Variants in ZNF638 observed in about 807,000 individuals in gnomAD.
The protein encoded by ZNF638 is zinc finger protein 638.
ZNF638 carries 46 observed loss-of-function variants against 195.6 expected under a neutral mutation model. The observed-to-expected ratio is 0.24, with a 90% CI of 0.19 to 0.30. The LOEUF (loss-of-function observed/expected upper bound fraction) is 0.30, where lower values mean the gene tolerates loss of function less well. Ranked by LOEUF, ZNF638 falls within the 10% of genes least tolerant of loss-of-function variation. ZNF638 has a pLI of 1.00. For missense variants in ZNF638, 2,440 were observed against 2,325.3 expected (o/e 1.05, Z -1.01); for synonymous variants, 845 against 772.0 (o/e 1.09, Z -1.57).
chr2:71,407,027 CATG>C (rs1247470830), intron 19 of ZNF638, among the ~76,000 whole-genome samples: 3 of 152,136 alleles, frequency 2.0e-5, no homozygotes, highest in African/African-American at 7.2e-5. Context: ...TCCTTACTTT[CATG>C]ATTTGGCCTC....
At chr2:71,359,132 C>G (rs749860777) in intron 3 of ZNF638, among the ~76,000 whole-genome samples, 1 of 151,948 alleles carries the variant, frequency 6.6e-6, no homozygotes, top group African/African-American at 2.4e-5. Context: ...GCCTATGTAT[C>G]GATATATGAC....
At chr2:71,361,608 G>A (rs1033565766) in intron 3 of ZNF638, 1 of 152,170 alleles carries the variant, frequency 6.6e-6, no homozygotes, top group Non-Finnish European at 1.5e-5. Flanking sequence ...TAGATGATGG[G>A]TATGTTGGAT....
rs567624933 is a variant in ZNF638 at position 71,393,661 on chromosome 2, C to T, written c.2378-2480C>T. ...GCTCTCTGGTGTAAGTTACAACTCA[C>T]GTAGGATCCTTTTTATGCTCTCGCT... On this transcript the variant is annotated intron_variant, in intron 10 of 27. Transcript: ENST00000264447. 2.5e-4 allele frequency: 178 copies of T among 716,316 alleles called. 1 individual carries two copies. Among genetic ancestry groups the T allele is most frequent in the Middle Eastern group, 4.6e-4 (2 of 4,394 alleles). The allele number at this position is 716,316 out of a possible 1,614,324, so 44.4% of individuals were successfully genotyped here. A position where few individuals can be genotyped will look rare whatever the true frequency, so the allele number is the denominator to read the frequency against.
chr2:71,433,437 G>T lies in ZNF638; in HGVS notation c.5871+154G>T. 3 of 595,220 alleles carry T rather than the reference G, an allele frequency of 5.0e-6. No homozygotes were observed. The South Asian group carries it at 6.3e-5, about 13-fold the overall frequency. 36.9% of individuals were successfully genotyped at this position (595,220 alleles called of 1,614,324 possible). On this transcript the variant is annotated intron_variant, in intron 27 of 27. Coordinates refer to ENST00000264447, the MANE Select transcript of ZNF638 (RefSeq NM_014497.5). Reference sequence around the variant, plus strand: ...CCTGTTTTCTCCTTCAGTGTACCTTGCCTGTAATTTCTAGTCCTTATTCCT... The same window carrying T: ...CCTGTTTTCTCCTTCAGTGTACCTTTCCTGTAATTTCTAGTCCTTATTCCT...
intron 20 of ZNF638, chr2:71,408,563 T>G (rs937093683): frequency 1.3e-5 from 4 of 306,434 alleles, no homozygotes; most frequent in Admixed American, 5.0e-5. Flanking sequence ...TGAATCCATT[T>G]TGGCTTCCTC....
rs2080657603 is a variant in ZNF638, at chr2:71,431,445, A to AT, written c.5752+24dup. The AT allele has an allele frequency of 2.5e-6, 4 of 1,609,096 alleles. No individual in the cohort carries two copies. The highest frequency in any genetic ancestry group is 2.7e-5 in the African/African-American group (2 of 74,682). On this transcript the variant is annotated intron_variant, in intron 26 of 27. Coordinates refer to ENST00000264447, the MANE Select transcript of ZNF638 (RefSeq NM_014497.5). ...TCCCTGAGGGTAAAGTTAAAATGAC[A>AT]TTTTTTTCTTACCCATATGAAATTT... is the stretch of plus-strand genomic sequence containing the variant.
chr2:71,423,352 A>T lies in ZNF638; in HGVS notation c.3838A>T (p.Ile1280Phe). The change falls in exon 22 of 28, where the codon ATT (isoleucine) becomes TTT (phenylalanine). Residue 1280 changes from isoleucine (I) to phenylalanine (F), a missense_variant. Ile to Phe is a conservative substitution (Grantham distance 21). Coordinates refer to ENST00000264447, the MANE Select transcript of ZNF638 (RefSeq NM_014497.5). ...TVSEILPSTCIVTLVPGIPTG... is the reference protein window; with the variant it reads ...TVSEILPSTCFVTLVPGIPTG... Reference sequence around the variant, plus strand: ...TTCGGAAATATTGCCATCAACTTGTATTGTGACGTTAGTACCAGGAATTCC... The same window carrying T: ...TTCGGAAATATTGCCATCAACTTGTTTTGTGACGTTAGTACCAGGAATTCC... 1 of 1,613,988 alleles carries T rather than the reference A, an allele frequency of 6.2e-7. No individual in the cohort carries two copies. Among genetic ancestry groups the T allele is most frequent in the African/African-American group, 1.3e-5 (1 of 75,056 alleles).
intron 26 of ZNF638, among the ~76,000 whole-genome samples, chr2:71,432,007 T>C (rs900537445): frequency 2.6e-5 from 4 of 152,188 alleles, no homozygotes; most frequent in African/African-American, 9.7e-5. Flanking sequence ...AATTGAGTTA[T>C]ATTTGCCCAG....
intron 20 of ZNF638, among the ~76,000 whole-genome samples, chr2:71,417,425 A>G (rs1032378314): frequency 2.6e-5 from 4 of 151,820 alleles, no homozygotes; most frequent in African/African-American, 9.7e-5. Flanking sequence ...AAATGCAGAA[A>G]TCACCCGTCT....
intron 15 of ZNF638, among the ~76,000 whole-genome samples, chr2:71,401,446 T>A (rs2080003707): frequency 6.6e-6 from 1 of 152,154 alleles, no homozygotes; most frequent in South Asian, 2.1e-4. Flanking sequence ...TTCAGGAAGA[T>A]AAAAGGATAC....
chr2:71,363,713 T>G (rs1241764357), intron 4 of ZNF638, among the ~76,000 whole-genome samples: 1 of 152,262 alleles, frequency 6.6e-6, no homozygotes. Context: ...CGTATTCTTC[T>G]GTAAACTAGA....
At chr2:71,363,084 A>G in intron 3 of ZNF638, 69 bp from the exon 4 acceptor site, 19 of 1,096,492 alleles carry the variant, frequency 1.7e-5, no homozygotes, top group Non-Finnish European at 2.6e-5. Context: ...GATATATTAC[A>G]GGTAAAGATT....
chr2:71,358,969 TAATA>T (rs1009848013), intron 3 of ZNF638, among the ~76,000 whole-genome samples: 1 of 152,180 alleles, frequency 6.6e-6, no homozygotes, highest in African/African-American at 2.4e-5. Context: ...ACTTTTTAAT[TAATA>T]CATGTTCATT....
At chr2:71,373,095 CTG>C (rs765922317) in intron 8 of ZNF638, among the ~76,000 whole-genome samples, 1 of 152,116 alleles carries the variant, frequency 6.6e-6, no homozygotes, top group Non-Finnish European at 1.5e-5. Flanking sequence ...CACTAAATAA[CTG>C]TTATAATTTA....
intron 10 of ZNF638, among the ~76,000 whole-genome samples, chr2:71,386,842 A>G (rs1262376382): frequency 2.6e-5 from 4 of 152,176 alleles, no homozygotes; most frequent in Non-Finnish European, 2.9e-5. Flanking sequence ...CACTGTTATA[A>G]GATGCCTTTT....
At chr2:71,408,510 A>T in intron 20 of ZNF638, 1 of 366,286 alleles carries the variant, frequency 2.7e-6, no homozygotes. Flanking sequence ...GTGTATAGTG[A>T]CTCTTTGTAT....
chr2:71,337,512 A>C (rs2078690530), intron 1 of ZNF638, among the ~76,000 whole-genome samples: 1 of 152,114 alleles, frequency 6.6e-6, no homozygotes, highest in Admixed American at 6.5e-5. Flanking sequence ...TCCTGGGCTC[A>C]AGCGATCCTC....
At chr2:71,430,117 T>C (rs1166300814) in intron 25 of ZNF638, among the ~76,000 whole-genome samples, 1 of 152,214 alleles carries the variant, frequency 6.6e-6, no homozygotes, top group African/African-American at 2.4e-5. Context: ...ATGAACAATA[T>C]GTTTTGACAA....
At chr2:71,357,729 C>G (rs1018699247) in intron 3 of ZNF638, among the ~76,000 whole-genome samples, 2 of 152,126 alleles carry the variant, frequency 1.3e-5, no homozygotes, top group Non-Finnish European at 2.9e-5. Context: ...ATGCCTGCTA[C>G]TTTAATGTTC....
Sources: gnomAD v4.1 joint callset for allele counts (sites outside exome capture counted in the v4.1 genomes callset) on GRCh38, gnomAD v4.1.1 for gene constraint, MANE v1.5 for transcripts, NCBI Gene and HGNC (gene_info 2026-07-23, HGNC 2026-07-21) for gene names.